Variants in NT5C1A observed in about 807,000 individuals in gnomAD.
NT5C1A encodes 5'-nucleotidase, cytosolic IA.
NT5C1A carries 18 observed loss-of-function variants against 31.0 expected under a neutral mutation model. The observed-to-expected ratio is 0.58, with a 90% CI of 0.40 to 0.86. NT5C1A has a LOEUF of 0.86. Among genes scored for constraint, NT5C1A ranks in the 40% least tolerant of loss-of-function variants. The pLI is 0.00. For missense variants in NT5C1A, 470 were observed against 505.4 expected (o/e 0.93, Z 0.67); for synonymous variants, 185 against 203.6 (o/e 0.91, Z 0.78).
At position 39,659,421 on chromosome 1, in the gene NT5C1A, C is replaced by T. The variant is rs763844303; in HGVS notation, c.807G>A (p.Leu269=). The T allele has an allele frequency of 1.2e-6, 2 of 1,612,674 alleles. No homozygotes were observed. The highest frequency in any genetic ancestry group is 1.3e-5 in the African/African-American group (1 of 75,058). The stretch of plus-strand genomic sequence containing the variant: ...AGGTACGAATTGGGCACTCCAGCCG[C>T]AGGCCTTTGGAGTAGAACTTCTTCT... ...RLQKKFYSKG[L]RLECPIRTYL... Residue 269 remains leucine, a synonymous_variant, in exon 6 of 6, where the codon CTG becomes CTA. Coordinates refer to ENST00000235628, the MANE Select transcript of NT5C1A (RefSeq NM_032526.3).
chr1:39,665,542 T>C lies in NT5C1A; in HGVS notation c.412A>G (p.Ile138Val). 6.2e-7 allele frequency: 1 copy of C among 1,613,376 alleles called. No homozygotes were observed. Among genetic ancestry groups the C allele is most frequent in the Non-Finnish European group, 8.5e-7 (1 of 1,179,824 alleles). ...TCACCATAGTGGTTGATACTGTTGA[T>C]GAGGCGGACACCCACTTGAGCATGG... Reference protein sequence around the residue: ...NNHAQVGVRLINSINHYDLFI... With the variant: ...NNHAQVGVRLVNSINHYDLFI... The change falls in exon 3 of 6, where the codon ATC becomes GTC. Residue 138 changes from isoleucine to valine, a missense_variant. Ile to Val is a conservative substitution (Grantham distance 29). Transcript: ENST00000235628.
chr1:39,659,095 G>A lies in NT5C1A; in HGVS notation c.*26C>T. The A allele has an allele frequency of 6.4e-7, 1 of 1,562,348 alleles. No homozygotes were observed. Among genetic ancestry groups the A allele is most frequent in the South Asian group, 1.2e-5 (1 of 82,994 alleles). On this transcript the variant is annotated 3_prime_UTR_variant, in exon 6 of 6. Transcript: ENST00000235628. ...AGTATGTCAGGGAGCCTGGAGCAAT[G>A]TGGATCAGTAAAGCCGGTGGTTCAG...
Position 39,666,213 on chromosome 1 carries a change from G to T in NT5C1A, c.159C>A (p.Thr53=), listed in dbSNP as rs773011919. ...ACAAGGCTCGGGAGGACACAGCGATGGTGACTGCATTCTGAGGCTTGGGCT... is the reference window on the plus strand; with the variant it reads ...ACAAGGCTCGGGAGGACACAGCGATTGTGACTGCATTCTGAGGCTTGGGCT... The part of the protein sequence containing the change: ...PKSPKPQNAV[T]IAVSSRALFR... Residue 53 remains threonine, a synonymous_variant, in exon 2 of 6, where the codon ACC becomes ACA. Coordinates refer to ENST00000235628, the MANE Select transcript of NT5C1A (RefSeq NM_032526.3). 7 of 1,613,540 alleles carry T rather than the reference G, an allele frequency of 4.3e-6. No individual in the cohort carries two copies. The South Asian group carries it at 7.7e-5, about 18-fold the overall frequency.
intron 4 of NT5C1A, among the ~76,000 whole-genome samples, chr1:39,662,753 T>A (rs1646498179): frequency 6.6e-6 from 1 of 152,194 alleles, no homozygotes; most frequent in Non-Finnish European, 1.5e-5. Flanking sequence ...ACTGAGACTA[T>A]GGATACCACC....
chr1:39,671,953 T>C lies in NT5C1A; in HGVS notation c.86A>G (p.Glu29Gly), dbSNP rs780546235. Residue 29 changes from glutamate to glycine, a missense_variant, in exon 1 of 6, where the codon GAA becomes GGA. Physicochemically the swap from Glu to Gly is moderately conservative, Grantham distance 98. Transcript: ENST00000235628. Reference protein sequence around the residue: ...AETAAAPVWEEAKIFYDNLAP... With the variant: ...AETAAAPVWEGAKIFYDNLAP... ...GAGGTTGTCGTAGAAAATCTTGGCT[T>C]CCTCCCAGACCGGGGCCGCAGCGGT... 5.0e-6 allele frequency: 8 copies of C among 1,612,950 alleles called. No individual in the cohort carries two copies. Among genetic ancestry groups the C allele is most frequent in the Admixed American group, 1.7e-5 (1 of 60,018 alleles).
intron 4 of NT5C1A, among the ~76,000 whole-genome samples, chr1:39,662,199 CT>C (rs1394024164): frequency 6.6e-6 from 1 of 152,200 alleles, no homozygotes; most frequent in African/African-American, 2.4e-5. Flanking sequence ...AGAGGCTGGG[CT>C]TAGGTGAGCT....
At chr1:39,661,972 C>A (rs1032468051) in intron 4 of NT5C1A, among the ~76,000 whole-genome samples, 2 of 152,166 alleles carry the variant, frequency 1.3e-5, no homozygotes, top group Non-Finnish European at 2.9e-5. Context: ...GGAGACAGCA[C>A]AAGTGATGGC....
chr1:39,671,350 C>T (rs916762410), intron 1 of NT5C1A, among the ~76,000 whole-genome samples: 1 of 152,206 alleles, frequency 6.6e-6, no homozygotes, highest in African/African-American at 2.4e-5. Context: ...CGCCGATCGC[C>T]CCCCAGCGCA....
intron 3 of NT5C1A, among the ~76,000 whole-genome samples, chr1:39,664,894 G>A (rs1385240522): frequency 5.3e-5 from 8 of 151,946 alleles, no homozygotes; most frequent in Non-Finnish European, 5.9e-5. Context: ...CACAAATAAA[G>A]GTTCATGTGG....
chr1:39,660,249 C>G (rs1465591457), intron 5 of NT5C1A, among the ~76,000 whole-genome samples: 1 of 152,178 alleles, frequency 6.6e-6, no homozygotes, highest in African/African-American at 2.4e-5. Flanking sequence ...CAGACATGAA[C>G]TGAATATTTA....
rs1400417466 is a variant in NT5C1A, at chr1:39,672,086, C to T, written c.-48G>A. 36 of 1,424,142 alleles carry T rather than the reference C, an allele frequency of 2.5e-5. No homozygotes were observed. The highest frequency in any genetic ancestry group is 5.1e-5 in the East Asian group (2 of 39,534). The allele number at this position is 1,424,142 out of a possible 1,614,324, so 88.2% of individuals were successfully genotyped here. ...GCCAGAGCAGGCGGCGGCGTAGACG[C>T]GGAGGTGGCTGGGGCTGGGCTGCAG... On this transcript the variant is annotated 5_prime_UTR_variant, in exon 1 of 6. Transcript: ENST00000235628.
At position 39,671,975 on chromosome 1, in the gene NT5C1A, C is replaced by T; in HGVS notation, c.64G>A (p.Ala22Thr). 2 of 1,611,636 alleles carry T rather than the reference C, an allele frequency of 1.2e-6. No homozygotes were observed. Among genetic ancestry groups the T allele is most frequent in the South Asian group, 1.1e-5 (1 of 91,086 alleles). Residue 22 changes from alanine (A) to threonine (T), a missense_variant, in exon 1 of 6, where the codon GCT becomes ACT. Transcript: ENST00000235628. ...PREPGPGAET[A>T]AAPVWEEAKI... ...GCTTCCTCCCAGACCGGGGCCGCAG[C>T]GGTCTCCGCTCCTGGCCCGGGCTCG...
chr1:39,651,405 T>C lies in NT5C1A; in HGVS notation c.*7716A>G, dbSNP rs984591650. Among the ~76,000 whole-genome samples, 2 of 152,140 alleles carry C rather than the reference T, an allele frequency of 1.3e-5. No individual in the cohort carries two copies. Among genetic ancestry groups the C allele is most frequent in the Non-Finnish European group, 2.9e-5 (2 of 68,010 alleles). ...AAAGAGCCAGACAGGTCTGGATCGATGGGGTGTGCTACTAGTAGGCCAAAG... is the reference window on the plus strand; with the variant it reads ...AAAGAGCCAGACAGGTCTGGATCGACGGGGTGTGCTACTAGTAGGCCAAAG... On this transcript the variant is annotated 3_prime_UTR_variant, in exon 6 of 6. Coordinates refer to ENST00000235628, the MANE Select transcript of NT5C1A (RefSeq NM_032526.3).
chr1:39,667,381 G>A (rs931484859), intron 1 of NT5C1A, among the ~76,000 whole-genome samples: 1 of 151,930 alleles, frequency 6.6e-6, no homozygotes, highest in Non-Finnish European at 1.5e-5. Context: ...GACCTTTATA[G>A]TCCCTAGGGA....
intron 4 of NT5C1A, among the ~76,000 whole-genome samples, chr1:39,662,221 T>G (rs1336622790): frequency 6.6e-6 from 1 of 151,816 alleles, no homozygotes; most frequent in Non-Finnish European, 1.5e-5. Flanking sequence ...TTGGGAGGAG[T>G]GAGCAGTGCT....
intron 1 of NT5C1A, among the ~76,000 whole-genome samples, chr1:39,667,413 A>G (rs1255462986): frequency 6.6e-6 from 1 of 152,074 alleles, no homozygotes; most frequent in Non-Finnish European, 1.5e-5. Context: ...TGAGTGCCCA[A>G]GGGATTTACA....
At position 39,658,299 on chromosome 1, in the gene NT5C1A, TAG is replaced by T. The variant is rs1331834134; in HGVS notation, c.*820_*821del. Among the ~76,000 whole-genome samples, 2 of 152,344 alleles carry T rather than the reference TAG, an allele frequency of 1.3e-5. No individual in the cohort carries two copies. Among genetic ancestry groups the T allele is most frequent in the African/African-American group, 4.8e-5 (2 of 41,576 alleles). On this transcript the variant is annotated 3_prime_UTR_variant, in exon 6 of 6. Transcript: ENST00000235628. ...GCTGAGCCCTGATGACCATTCAGGT[TAG>T]AGAATCACATGAGCAGATAGGTCAT... is the stretch of plus-strand genomic sequence containing the variant.
At chr1:39,661,847 T>C (rs1450161409) in intron 4 of NT5C1A, among the ~76,000 whole-genome samples, 1 of 152,156 alleles carries the variant, frequency 6.6e-6, no homozygotes, top group East Asian at 1.9e-4. Context: ...GACCACAGGC[T>C]GCAATCGGGT....
rs1417126537 is a variant in NT5C1A at position 39,651,282 on chromosome 1, T to C, written c.*7839A>G. Among the ~76,000 whole-genome samples, 1 of 152,194 alleles carries C rather than the reference T, an allele frequency of 6.6e-6. No homozygotes were observed. Among genetic ancestry groups the C allele is most frequent in the Non-Finnish European group, 1.5e-5 (1 of 68,032 alleles). On this transcript the variant is annotated 3_prime_UTR_variant, in exon 6 of 6. Coordinates refer to ENST00000235628, the MANE Select transcript of NT5C1A (RefSeq NM_032526.3). ...ATGGCTTTTAAGAAGCAGAAGCACA[T>C]GTGGTAAAATTAAGGTATAGGACAT... is the stretch of plus-strand genomic sequence containing the variant.
Sources: allele counts gnomAD v4.1 joint callset (sites outside exome capture counted in the v4.1 genomes callset), GRCh38; gene constraint gnomAD v4.1.1; transcripts MANE v1.5; gene names NCBI Gene and HGNC (gene_info 2026-07-23, HGNC 2026-07-21).